The following SLC25A21 variants were observed in gnomAD, a reference collection of about 807,000 sequenced individuals.
SLC25A21 encodes the protein mitochondrial 2-oxodicarboxylate carrier.
In SLC25A21, 47 loss-of-function variants were observed where a neutral mutation model predicts 43.8. The observed-to-expected ratio is 1.07, with a 90% CI of 0.85 to 1.37. The LOEUF (loss-of-function observed/expected upper bound fraction) is 1.37, where lower values mean the gene tolerates loss of function less well. SLC25A21 is among the 40% of genes most tolerant of loss of function. The pLI is 0.00. For missense variants in SLC25A21, 352 were observed against 350.2 expected (o/e 1.00, Z -0.04); for synonymous variants, 131 against 121.3 (o/e 1.08, Z -0.52).
chr14:37,144,332 A>C (rs991781634), intron 1 of SLC25A21, among the ~76,000 whole-genome samples: 1 of 152,246 alleles, frequency 6.6e-6, no homozygotes, highest in Non-Finnish European at 1.5e-5. Flanking sequence ...AATGTTATGC[A>C]ATTTAACACC....
chr14:36,994,027 A>C (rs1960320232), intron 1 of SLC25A21, among the ~76,000 whole-genome samples: 1 of 152,170 alleles, frequency 6.6e-6, no homozygotes, highest in Non-Finnish European at 1.5e-5. Context: ...AGCTATATGC[A>C]ATATTAGTAA....
intron 1 of SLC25A21, among the ~76,000 whole-genome samples, chr14:37,101,491 TA>T (rs1003862716): frequency 3.3e-5 from 5 of 152,204 alleles, no homozygotes; most frequent in Non-Finnish European, 7.3e-5. Flanking sequence ...AAAACTCAGA[TA>T]TTTTTTATAG....
Position 36,999,595 on chromosome 14 carries a change from G to A in SLC25A21, c.71-124591C>T, listed in dbSNP as rs569401093. ...CAGGGGTGATGTTGATACCAGGGAA[G>A]GCTATGCATGAGTGGAAGTAGAGGG... On this transcript the variant is annotated intron_variant, in intron 1 of 9. Coordinates refer to ENST00000331299, the MANE Select transcript of SLC25A21 (RefSeq NM_030631.4). Among the ~76,000 whole-genome samples, 3 of 152,220 alleles carry A rather than the reference G, an allele frequency of 2.0e-5. No individual in the cohort carries two copies. In the East Asian group the frequency reaches 5.8e-4, roughly 29 times the overall value.
At chr14:36,975,019 G>A (rs1959838095) in intron 1 of SLC25A21, among the ~76,000 whole-genome samples, 1 of 152,142 alleles carries the variant, frequency 6.6e-6, no homozygotes, top group South Asian at 2.1e-4. Flanking sequence ...AAAGCACTCA[G>A]TAGGCACACA....
chr14:36,991,202 A>G (rs1960255569), intron 1 of SLC25A21, among the ~76,000 whole-genome samples: 1 of 152,178 alleles, frequency 6.6e-6, no homozygotes, highest in African/African-American at 2.4e-5. Flanking sequence ...TTCTGTACAA[A>G]GCTGTTGACC....
intron 7 of SLC25A21, among the ~76,000 whole-genome samples, chr14:36,704,669 A>C (rs1883428977): frequency 6.6e-6 from 1 of 151,722 alleles, no homozygotes; most frequent in African/African-American, 2.4e-5. Context: ...AAAAAAAAAA[A>C]AACAAAAAAG....
chr14:36,829,939 T>G (rs1888973634), intron 2 of SLC25A21, among the ~76,000 whole-genome samples: 1 of 152,138 alleles, frequency 6.6e-6, no homozygotes, highest in African/African-American at 2.4e-5. Context: ...ATTTTTTTTT[T>G]CTTCTGGTGG....
chr14:36,985,692 A>G lies in SLC25A21; in HGVS notation c.71-110688T>C, dbSNP rs1050258638. On this transcript the variant is annotated intron_variant, in intron 1 of 9. Transcript: ENST00000331299. Reference sequence around the variant, plus strand: ...GCATACATTGCTGTTTCTTCATTTAATTAATTCCTGCTATAATGGTTGTCG... The same window carrying G: ...GCATACATTGCTGTTTCTTCATTTAGTTAATTCCTGCTATAATGGTTGTCG... 5.3e-5 allele frequency among the ~76,000 whole-genome samples: 8 copies of G among 152,264 alleles called. No homozygotes were observed. In the South Asian group the frequency reaches 6.2e-4, roughly 12 times the overall value.
At chr14:36,851,377 G>A (rs1889730058) in intron 2 of SLC25A21, among the ~76,000 whole-genome samples, 1 of 152,092 alleles carries the variant, frequency 6.6e-6, no homozygotes, top group Admixed American at 6.6e-5. Context: ...CAAGATGCTG[G>A]CTAACAAGTT....
chr14:37,037,465 G>C (rs2138777658), intron 1 of SLC25A21, among the ~76,000 whole-genome samples: 1 of 152,112 alleles, frequency 6.6e-6, no homozygotes, highest in South Asian at 2.1e-4. Context: ...ACATCACCAG[G>C]GTTGCTTTCA....
intron 3 of SLC25A21, among the ~76,000 whole-genome samples, chr14:36,805,548 G>A (rs1021617852): frequency 6.6e-6 from 1 of 152,142 alleles, no homozygotes; most frequent in African/African-American, 2.4e-5. Context: ...TACAGCTTCT[G>A]CCAGCAACTG....
intron 2 of SLC25A21, among the ~76,000 whole-genome samples, chr14:36,843,717 G>A (rs1381637342): frequency 6.6e-6 from 1 of 152,070 alleles, no homozygotes; most frequent in South Asian, 2.1e-4. Flanking sequence ...CTTCATTCAC[G>A]AAATTGATGA....
At chr14:36,709,207 G>A (rs1486669230) in intron 7 of SLC25A21, among the ~76,000 whole-genome samples, 1 of 152,130 alleles carries the variant, frequency 6.6e-6, no homozygotes, top group East Asian at 1.9e-4. Context: ...TTGTCTTACA[G>A]TCTGAAAAAC....
intron 1 of SLC25A21, among the ~76,000 whole-genome samples, chr14:37,162,697 T>G (rs1963966059): frequency 6.6e-6 from 1 of 152,234 alleles, no homozygotes; most frequent in African/African-American, 2.4e-5. Flanking sequence ...TTGGTGGGAC[T>G]GTAAACTAGT....
intron 1 of SLC25A21, among the ~76,000 whole-genome samples, chr14:36,958,960 C>T (rs1959416302): frequency 6.6e-6 from 1 of 152,170 alleles, no homozygotes; most frequent in African/African-American, 2.4e-5. Context: ...ATATTGATCT[C>T]ACGAGCTCCT....
chr14:36,743,014 A>G (rs747232034), intron 3 of SLC25A21, among the ~76,000 whole-genome samples: 84 of 152,312 alleles, frequency 5.5e-4, no homozygotes, highest in Non-Finnish European at 1.1e-3. Context: ...ATTTTCTAAA[A>G]TACAAAAATT....
At chr14:36,871,971 C>T (rs1890386240) in intron 2 of SLC25A21, among the ~76,000 whole-genome samples, 1 of 152,190 alleles carries the variant, frequency 6.6e-6, no homozygotes, top group Middle Eastern at 3.4e-3. Context: ...AAATTTCAAT[C>T]AGCAGGGATG....
At chr14:36,830,166 G>A (rs140258411) in intron 2 of SLC25A21, among the ~76,000 whole-genome samples, 25 of 152,286 alleles carry the variant, frequency 1.6e-4, no homozygotes, top group Admixed American at 3.9e-4. Flanking sequence ...TGTACCAAAC[G>A]AATTCATTAG....
At chr14:37,114,018 T>C (rs750572029) in intron 1 of SLC25A21, among the ~76,000 whole-genome samples, 6 of 152,150 alleles carry the variant, frequency 3.9e-5, no homozygotes, top group Non-Finnish European at 7.4e-5. Flanking sequence ...GCATTAAAAG[T>C]AGTAGAGAAA....
Sources: gnomAD v4.1 joint callset for allele counts (sites outside exome capture counted in the v4.1 genomes callset) on GRCh38, gnomAD v4.1.1 for gene constraint, MANE v1.5 for transcripts, NCBI Gene and HGNC (gene_info 2026-07-23, HGNC 2026-07-21) for gene names.